CTNNA2: variants seen among roughly 807,000 people sequenced by gnomAD.
CTNNA2 encodes catenin alpha 2, also known as catenin alpha-2.
CTNNA2 carries 42 observed loss-of-function variants against 101.0 expected under a neutral mutation model. The observed-to-expected ratio is 0.42, with a 90% CI of 0.32 to 0.54. The LOEUF is 0.54. Among genes scored for constraint, CTNNA2 ranks in the 20% least tolerant of loss-of-function variants. The probability of loss-of-function intolerance (pLI) is 0.14; values close to 1 mark genes in which losing one functional copy is unlikely to be tolerated. For missense variants in CTNNA2, 871 were observed against 1,223.1 expected (o/e 0.71, Z 4.29); for synonymous variants, 450 against 456.4 (o/e 0.99, Z 0.18).
chr2:80,122,094 A>G (rs896590198), intron 7 of CTNNA2, among the ~76,000 whole-genome samples: 5 of 152,192 alleles, frequency 3.3e-5, no homozygotes, highest in African/African-American at 1.2e-4. Context: ...GACGCTTGAT[A>G]AATTCACAGA....
intron 7 of CTNNA2, among the ~76,000 whole-genome samples, chr2:79,970,600 G>A (rs1690408249): frequency 6.6e-6 from 1 of 152,122 alleles, no homozygotes; most frequent in Admixed American, 6.5e-5. Context: ...TGGATTCACA[G>A]CATCTATGTT....
At chr2:79,587,934 T>C (rs1179149287) in intron 1 of CTNNA2, among the ~76,000 whole-genome samples, 4 of 152,218 alleles carry the variant, frequency 2.6e-5, no homozygotes, top group African/African-American at 9.6e-5. Flanking sequence ...TAATTTTTTT[T>C]TAGTCTTGAT....
intron 4 of CTNNA2, among the ~76,000 whole-genome samples, chr2:79,374,426 A>G (rs1677940134): frequency 6.6e-6 from 1 of 152,174 alleles, no homozygotes; most frequent in South Asian, 2.1e-4. Flanking sequence ...TCATGGACTG[A>G]CATGCAGGAA....
chr2:79,548,139 T>C (rs1343373636), intron 1 of CTNNA2: 5 of 152,208 alleles, frequency 3.3e-5, no homozygotes, highest in Non-Finnish European at 7.3e-5. Context: ...TTAGTACGTT[T>C]ATTACTGTTA....
At chr2:79,337,003 T>C (rs1677009631) in intron 3 of CTNNA2, among the ~76,000 whole-genome samples, 1 of 152,160 alleles carries the variant, frequency 6.6e-6, no homozygotes, top group Non-Finnish European at 1.5e-5. Context: ...GCCCTCTCAT[T>C]CATTCTATAA....
chr2:79,749,996 A>G (rs776034703), intron 3 of CTNNA2, among the ~76,000 whole-genome samples: 1 of 152,206 alleles, frequency 6.6e-6, no homozygotes, highest in Non-Finnish European at 1.5e-5. Flanking sequence ...TTCATGAAGA[A>G]GATTGAGTAG....
intron 6 of CTNNA2, among the ~76,000 whole-genome samples, chr2:79,904,833 G>A (rs538492321): frequency 6.6e-6 from 1 of 152,224 alleles, no homozygotes; most frequent in East Asian, 1.9e-4. Flanking sequence ...AGCTTTTTGT[G>A]GAGACAATGA....
At chr2:80,554,444 T>C (rs1414573359) in intron 11 of CTNNA2, among the ~76,000 whole-genome samples, 2 of 152,216 alleles carry the variant, frequency 1.3e-5, no homozygotes, top group Admixed American at 6.5e-5. Flanking sequence ...TGGAGAATAC[T>C]GTAAACTGTG....
chr2:79,798,265 A>T (rs1357436648), intron 3 of CTNNA2, among the ~76,000 whole-genome samples: 1 of 152,202 alleles, frequency 6.6e-6, no homozygotes, highest in East Asian at 1.9e-4. Context: ...TCCCCTAGGC[A>T]TCGGACTCCT....
At chr2:79,774,196 G>A (rs1473065873) in intron 3 of CTNNA2, among the ~76,000 whole-genome samples, 1 of 152,184 alleles carries the variant, frequency 6.6e-6, no homozygotes, top group East Asian at 1.9e-4. Context: ...ATGCTGACAT[G>A]AGAGAAGAAG....
chr2:79,623,826 T>C (rs569109633), intron 1 of CTNNA2, among the ~76,000 whole-genome samples: 22 of 152,236 alleles, frequency 1.4e-4, no homozygotes, highest in Non-Finnish European at 2.9e-4. Flanking sequence ...ATGGCTTGGA[T>C]ATTAATTTCA....
intron 4 of CTNNA2, among the ~76,000 whole-genome samples, chr2:79,481,516 T>C (rs1174306737): frequency 6.6e-6 from 1 of 152,134 alleles, no homozygotes; most frequent in Non-Finnish European, 1.5e-5. Flanking sequence ...CTGTAATGTG[T>C]GCTTAAAAAT....
intron 18 of CTNNA2, among the ~76,000 whole-genome samples, chr2:80,627,949 A>G (rs978116893): frequency 6.6e-6 from 1 of 152,112 alleles, no homozygotes; most frequent in Non-Finnish European, 1.5e-5. Context: ...AAAAATTGCA[A>G]GCATTCCTAT....
At chr2:79,688,236 C>CA (rs1351745456) in intron 2 of CTNNA2, among the ~76,000 whole-genome samples, 1 of 151,496 alleles carries the variant, frequency 6.6e-6, no homozygotes, top group Non-Finnish European at 1.5e-5. Flanking sequence ...GGGCTTAAGC[C>CA]AAAAAATATC....
chr2:79,366,689 G>A (rs1474864920), intron 3 of CTNNA2, among the ~76,000 whole-genome samples: 5 of 152,176 alleles, frequency 3.3e-5, no homozygotes, highest in Non-Finnish European at 7.3e-5. Context: ...CAGTTAGAAG[G>A]GTTCATTCAT....
intron 7 of CTNNA2, among the ~76,000 whole-genome samples, chr2:80,261,186 A>C (rs1202111078): frequency 6.6e-6 from 1 of 152,312 alleles, no homozygotes; most frequent in South Asian, 2.1e-4. Flanking sequence ...TGACACATAT[A>C]CCTATTGAGT....
chr2:80,232,376 T>TGG (rs1709301967), intron 7 of CTNNA2, among the ~76,000 whole-genome samples: 1 of 89,550 alleles, frequency 1.1e-5, no homozygotes, highest in African/African-American at 4.1e-5. Flanking sequence ...TTTTTTTTTT[T>TGG]TTTTTTTTTT....
chr2:79,696,535 A>G lies in CTNNA2; in HGVS notation c.102+44877A>G, dbSNP rs560571712. Among the ~76,000 whole-genome samples the G allele has an allele frequency of 1.2e-4, 18 of 152,152 alleles. No homozygotes were observed. The South Asian group carries it at 2.9e-3, about 25-fold the overall frequency. ...TAATGGCCCAAGAGGCAGTTTCTCA[A>G]TCTTTCAGTTGTTTAGGCATGTGTG... On this transcript the variant is annotated intron_variant, in intron 2 of 18. Transcript: ENST00000402739.
chr2:79,949,221 G>C (rs6721541), intron 7 of CTNNA2, among the ~76,000 whole-genome samples: 34,499 of 151,960 alleles, frequency 0.23, 4,523 homozygotes, highest in East Asian at 0.43. Flanking sequence ...ATATTGTAAG[G>C]AGCAAGTATG....
Sources: gnomAD v4.1 joint callset for allele counts (sites outside exome capture counted in the v4.1 genomes callset) on GRCh38, gnomAD v4.1.1 for gene constraint, MANE v1.5 for transcripts, NCBI Gene and HGNC (gene_info 2026-07-23, HGNC 2026-07-21) for gene names.